Variants in DENND1A observed in about 807,000 individuals in gnomAD.
The protein encoded by DENND1A is DENN domain containing 1A, also known as DENN domain-containing protein 1A.
Under a neutral mutation model 113.7 loss-of-function variants are expected in DENND1A, and 51 were observed. The ratio of observed to expected loss-of-function variants is 0.45; its 90% CI spans 0.36 to 0.57. The LOEUF (loss-of-function observed/expected upper bound fraction) is 0.57, where lower values mean the gene tolerates loss of function less well. DENND1A is among the 20% of genes least tolerant of loss of function. The pLI is 0.00. For synonymous variants in DENND1A, 565 were observed against 570.8 expected (o/e 0.99, Z 0.14); for missense variants, 1,258 against 1,395.9 (o/e 0.90, Z 1.57).
At chr9:123,768,077 T>A (rs1277296504) in intron 4 of DENND1A, among the ~76,000 whole-genome samples, 1 of 152,132 alleles carries the variant, frequency 6.6e-6, no homozygotes, top group East Asian at 1.9e-4. Context: ...TTAGGAGGAA[T>A]AGGCTAAAGA....
chr9:123,674,338 TCTCTCACACACA>T (rs1369640278), intron 6 of DENND1A, among the ~76,000 whole-genome samples: 2 of 126,112 alleles, frequency 1.6e-5, no homozygotes, highest in African/African-American at 3.3e-5. Context: ...TCTCTGTCTC[TCTCTCACACACA>T]CACACACACA....
rs762036466 is a variant in DENND1A, at chr9:123,403,374, A to G, written c.1631+28T>C. On this transcript the variant is annotated intron_variant, in intron 21 of 23. Transcript: ENST00000394215. ...GGCTCCGCAGACACAGGGTTCTTAC[A>G]GACAGAGGGGAGAGGCACAATACTC... 2.5e-6 allele frequency: 4 copies of G among 1,611,804 alleles called. No individual in the cohort carries two copies. In the East Asian group the frequency reaches 8.9e-5, roughly 36 times the overall value.
Position 123,383,807 on chromosome 9 carries a change from G to T in DENND1A, c.1867C>A (p.Pro623Thr). 1 of 1,614,066 alleles carries T rather than the reference G, an allele frequency of 6.2e-7. No individual in the cohort carries two copies. Among genetic ancestry groups the T allele is most frequent in the Admixed American group, 1.7e-5 (1 of 60,032 alleles). ...RKSTGPVPAP[P>T]DRAASIDLLE... ...AGGTCGATGCTGGCAGCCCGGTCAG[G>T]GGGAGCTGGGACAGGGCCTGTGGAC... is the stretch of plus-strand genomic sequence containing the variant. The change falls in exon 23 of 24, where the codon CCT becomes ACT. Residue 623 changes from proline to threonine, a missense_variant. Physicochemically the swap from Pro to Thr is conservative, Grantham distance 38. Coordinates refer to ENST00000394215, the MANE Select transcript of DENND1A (RefSeq NM_001352964.2).
At chr9:123,485,655 CG>C (rs1564578454) in intron 13 of DENND1A, 1 of 33,178 alleles carries the variant, frequency 3.0e-5, no homozygotes, top group Non-Finnish European at 8.0e-5. Context: ...CGCGCGCGCG[CG>C]CACACACACA....
intron 9 of DENND1A, among the ~76,000 whole-genome samples, chr9:123,643,816 C>T (rs778461632): frequency 2.0e-5 from 3 of 152,226 alleles, no homozygotes; most frequent in Non-Finnish European, 2.9e-5. Flanking sequence ...CTCCTGTTTC[C>T]TGGTGCCTAG....
At chr9:123,702,342 G>A (rs2065931347) in intron 5 of DENND1A, among the ~76,000 whole-genome samples, 1 of 152,040 alleles carries the variant, frequency 6.6e-6, no homozygotes, top group South Asian at 2.1e-4. Flanking sequence ...ATGAGTTGCT[G>A]GTATTCAAGA....
intron 9 of DENND1A, among the ~76,000 whole-genome samples, chr9:123,634,438 A>G (rs970651605): frequency 6.6e-5 from 10 of 152,232 alleles, no homozygotes; most frequent in African/African-American, 2.2e-4. Flanking sequence ...GACTTACTAT[A>G]TATCTATACT....
chr9:123,587,651 C>T (rs896236655), intron 11 of DENND1A, among the ~76,000 whole-genome samples: 1 of 152,192 alleles, frequency 6.6e-6, no homozygotes. Context: ...GTGAAACCTC[C>T]CTGACTGCAC....
At chr9:123,826,309 C>T (rs1839322013) in intron 2 of DENND1A, among the ~76,000 whole-genome samples, 1 of 152,088 alleles carries the variant, frequency 6.6e-6, no homozygotes, top group South Asian at 2.1e-4. Context: ...AGGCTGGAGT[C>T]AGATGATTGC....
chr9:123,705,617 G>A (rs2066146720), intron 5 of DENND1A, among the ~76,000 whole-genome samples: 1 of 152,170 alleles, frequency 6.6e-6, no homozygotes, highest in African/African-American at 2.4e-5. Flanking sequence ...GCAAAGATAT[G>A]TAGGACCATT....
intron 10 of DENND1A, among the ~76,000 whole-genome samples, chr9:123,620,213 C>CAAAAA (rs34196587): frequency 5.9e-3 from 340 of 57,566 alleles, no homozygotes; most frequent in Middle Eastern, 0.01. Flanking sequence ...GACTCCATCT[C>CAAAAA]AAAAAAAAAA....
At chr9:123,445,666 T>C (rs1400427067) in intron 18 of DENND1A, among the ~76,000 whole-genome samples, 1 of 151,710 alleles carries the variant, frequency 6.6e-6, no homozygotes, top group Non-Finnish European at 1.5e-5. Flanking sequence ...AGGTCAGGAG[T>C]TCGAGACCAG....
At chr9:123,816,664 C>T (rs1005655994) in intron 2 of DENND1A, among the ~76,000 whole-genome samples, 10 of 152,304 alleles carry the variant, frequency 6.6e-5, no homozygotes, top group Admixed American at 6.5e-4. Flanking sequence ...TCACACTACC[C>T]TTGAGGGCCA....
At chr9:123,823,565 G>A (rs988462068) in intron 2 of DENND1A, among the ~76,000 whole-genome samples, 3 of 152,192 alleles carry the variant, frequency 2.0e-5, no homozygotes, top group African/African-American at 7.2e-5. Flanking sequence ...AAGCCCCTGA[G>A]AAGCTTTAAG....
chr9:123,432,458 T>C (rs1020787737), intron 19 of DENND1A, among the ~76,000 whole-genome samples: 3 of 152,118 alleles, frequency 2.0e-5, no homozygotes, highest in African/African-American at 7.2e-5. Flanking sequence ...AGCCACCCCA[T>C]GGGGACCGAA....
rs774398495 is a variant in DENND1A, at chr9:123,381,397, G to A, written c.*35C>T. On this transcript the variant is annotated 3_prime_UTR_variant, in exon 24 of 24. Transcript: ENST00000394215. The surrounding 1 kb of genome is among the most constrained non-coding windows in gnomAD (Gnocchi z 4.7). ...GAACCGCAGCAGTGGACGGACCCTC[G>A]GGCCTCGGTGCATCCCCCACCCTCA... 32 of 1,597,142 alleles carry A rather than the reference G, an allele frequency of 2.0e-5. No individual in the cohort carries two copies. Among genetic ancestry groups the A allele is most frequent in the South Asian group, 4.5e-5 (4 of 89,402 alleles).
At chr9:123,413,295 G>C in intron 19 of DENND1A, 2 of 520,766 alleles carry the variant, frequency 3.8e-6, no homozygotes, top group South Asian at 1.7e-4. Context: ...ATTACATGTT[G>C]AAATAATATT....
intron 2 of DENND1A, among the ~76,000 whole-genome samples, chr9:123,840,602 C>T (rs1167770670): frequency 6.6e-6 from 1 of 152,112 alleles, no homozygotes; most frequent in Non-Finnish European, 1.5e-5. Context: ...TATTATCTCC[C>T]TCTTTGTCAC....
chr9:123,457,625 G>C (rs1470602098), intron 14 of DENND1A, among the ~76,000 whole-genome samples, 168 bp downstream of exon 14: 2 of 152,204 alleles, frequency 1.3e-5, no homozygotes, highest in African/African-American at 4.8e-5. Flanking sequence ...TTTGCAAAGG[G>C]TCTGTCTGGT....
Sources: gnomAD v4.1 joint callset for allele counts (sites outside exome capture counted in the v4.1 genomes callset) on GRCh38, gnomAD v4.1.1 for gene constraint, Gnocchi (gnomAD v3.1) non-coding constraint, MANE v1.5 for transcripts, NCBI Gene and HGNC (gene_info 2026-07-23, HGNC 2026-07-21) for gene names.